The following DMD variants were observed in gnomAD, a reference collection of about 807,000 sequenced individuals.
The protein encoded by DMD is mutant dystrophin.
DMD carries 63 observed loss-of-function variants against 330.1 expected under a neutral mutation model. The observed-to-expected ratio is 0.19, with a 90% CI of 0.16 to 0.24. DMD has a LOEUF of 0.24. Ranked by LOEUF, DMD falls within the 10% of genes least tolerant of loss-of-function variation. The pLI is 1.00. For synonymous variants in DMD, 1,223 were observed against 959.8 expected (o/e 1.27, Z -5.07); for missense variants, 3,344 against 2,684.1 (o/e 1.25, Z -5.43).
intron 1 of DMD, among the ~76,000 whole-genome samples, chrX:33,282,158 A>C (rs2053343730): frequency 9.0e-6 from 1 of 110,993 alleles, no homozygotes; most frequent in Non-Finnish European, 1.9e-5. Context: ...TCCTAGGTCC[A>C]TATGACCAAA....
At chrX:32,211,453 A>G (rs1341329529) in intron 44 of DMD, among the ~76,000 whole-genome samples, 1 of 112,090 alleles carries the variant, frequency 8.9e-6, no homozygotes, top group East Asian at 2.8e-4. Flanking sequence ...ATATAAATAT[A>G]TTGCACATTT....
intron 1 of DMD, among the ~76,000 whole-genome samples, chrX:33,094,667 G>A (rs1364544844): frequency 9.1e-6 from 1 of 110,194 alleles, no homozygotes; most frequent in East Asian, 2.9e-4. Context: ...AATTAGCTGG[G>A]CATCGTGGCA....
chrX:32,343,640 C>CA (rs2097754983), intron 39 of DMD, among the ~76,000 whole-genome samples: 1 of 111,091 alleles, frequency 9.0e-6, no homozygotes, highest in African/African-American at 3.3e-5. Flanking sequence ...GATACAAACT[C>CA]ACAAACCTAG....
intron 7 of DMD, among the ~76,000 whole-genome samples, chrX:32,703,442 C>T (rs745353961): frequency 9.0e-6 from 1 of 111,508 alleles, no homozygotes; most frequent in African/African-American, 3.3e-5. Flanking sequence ...ATACTATTAA[C>T]AGGAAGCCAG....
chrX:31,269,347 ATATTAT>A (rs1010272916), intron 62 of DMD, among the ~76,000 whole-genome samples: 4 of 110,663 alleles, frequency 3.6e-5, no homozygotes, highest in Non-Finnish European at 5.7e-5. Flanking sequence ...CCTTCTGATT[ATATTAT>A]TATTATTATT....
intron 2 of DMD, among the ~76,000 whole-genome samples, chrX:32,984,443 CAG>C (rs1364666872): frequency 4.5e-5 from 5 of 111,269 alleles, no homozygotes; most frequent in Non-Finnish European, 9.4e-5. Context: ...TTAGTAGAGA[CAG>C]GGTTTTGTCA....
At chrX:31,405,611 T>C (rs2061373631) in intron 60 of DMD, among the ~76,000 whole-genome samples, 1 of 111,704 alleles carries the variant, frequency 9.0e-6, no homozygotes, top group Non-Finnish European at 1.9e-5. Flanking sequence ...ACAAAATATT[T>C]AGAAAGTAGG....
chrX:32,875,024 G>A (rs2083274203), intron 2 of DMD, among the ~76,000 whole-genome samples: 1 of 112,165 alleles, frequency 8.9e-6, no homozygotes, highest in East Asian at 2.8e-4. Flanking sequence ...GAACACGGCT[G>A]AATTCCTGAT....
intron 48 of DMD, among the ~76,000 whole-genome samples, chrX:31,840,084 T>G (rs372374169): frequency 9.7e-4 from 108 of 111,741 alleles, no homozygotes; most frequent in Middle Eastern, 4.7e-3. Context: ...TCTCCTCATA[T>G]TCCCTTAAAT....
chrX:31,851,653 T>A (rs748801917), intron 48 of DMD, among the ~76,000 whole-genome samples: 1 of 112,563 alleles, frequency 8.9e-6, no homozygotes, highest in Admixed American at 9.4e-5. Flanking sequence ...ACTAGATATG[T>A]AACAGCGAAT....
chrX:31,638,452 C>T (rs2079539447), intron 54 of DMD, among the ~76,000 whole-genome samples: 1 of 112,193 alleles, frequency 8.9e-6, no homozygotes, highest in African/African-American at 3.2e-5. Flanking sequence ...TCCATCACCA[C>T]CTGACACTGG....
chrX:32,812,398 C>T (rs751455948), intron 6 of DMD, among the ~76,000 whole-genome samples: 50 of 112,245 alleles, frequency 4.5e-4, no homozygotes, highest in African/African-American at 1.6e-3. Flanking sequence ...TTTGGGAGGC[C>T]GAGACGGGTC....
rs937345957 is a variant in DMD at position 33,275,049 on chromosome X, C to G, written c.7+64210G>C. 2.7e-5 allele frequency among the ~76,000 whole-genome samples: 3 copies of G among 111,481 alleles called. No individual in the cohort carries two copies. The Admixed American group carries it at 2.9e-4, about 11-fold the overall frequency. The stretch of plus-strand genomic sequence containing the variant: ...CATTGGGGCAAGTTTATGTCTTTGT[C>G]GTGTTGTGCTGTTTGTTTTCTAAGC... On this transcript the variant is annotated intron_variant, in intron 1 of 17. Coordinates refer to the DMD transcript ENST00000288447.
intron 63 of DMD, among the ~76,000 whole-genome samples, chrX:31,236,405 C>T (rs1324168079): frequency 1.8e-5 from 2 of 112,576 alleles, no homozygotes; most frequent in Non-Finnish European, 3.7e-5. Flanking sequence ...TAGGGAGCAT[C>T]GTCCACCCCC....
chrX:31,178,523 G>A (rs2040800109), intron 70 of DMD, 146 bp downstream of exon 70: 3 of 1,008,886 alleles, frequency 3.0e-6, no homozygotes, highest in African/African-American at 2.0e-5. Flanking sequence ...CTGGACATCA[G>A]CTTATTTTTC....
intron 37 of DMD, among the ~76,000 whole-genome samples, chrX:32,359,937 G>A (rs927831994): frequency 9.1e-5 from 10 of 110,157 alleles, no homozygotes; most frequent in African/African-American, 3.3e-4. Flanking sequence ...GGGCAGGATA[G>A]GTTTTCTTTT....
At chrX:31,284,570 TTC>T (rs1491395768) in intron 62 of DMD, among the ~76,000 whole-genome samples, 1 of 62,402 alleles carries the variant, frequency 1.6e-5, no homozygotes, top group African/African-American at 6.3e-5. Flanking sequence ...CTTCTTCTTC[TTC>T]TTCTTCTTCT....
rs190417227 is a variant in DMD, at chrX:31,446,155, C to T, written c.8938-1528G>A. The stretch of plus-strand genomic sequence containing the variant: ...TTATCCTCTCAAATCAACCTGAATA[C>T]TTCATCAGTAAACCGTGGTGCTGTA... On this transcript the variant is annotated intron_variant, in intron 59 of 78. Coordinates refer to ENST00000357033, the MANE Select transcript of DMD (RefSeq NM_004006.3). Among the ~76,000 whole-genome samples the T allele has an allele frequency of 2.0e-3, 224 of 112,481 alleles. 1 individual carries two copies. Among genetic ancestry groups the T allele is most frequent in the Admixed American group, 0.015 (160 of 10,620 alleles).
intron 2 of DMD, among the ~76,000 whole-genome samples, chrX:32,931,421 G>C (rs1181360557): frequency 9.0e-6 from 1 of 111,473 alleles, no homozygotes; most frequent in African/African-American, 3.3e-5. Context: ...TGATGTAAAC[G>C]TTATGCAGGT....
Sources: allele counts gnomAD v4.1 joint callset (sites outside exome capture counted in the v4.1 genomes callset), GRCh38; gene constraint gnomAD v4.1.1; transcripts MANE v1.5; gene names NCBI Gene and HGNC (gene_info 2026-07-23, HGNC 2026-07-21).